NOVA1: variants seen among roughly 807,000 people sequenced by gnomAD.
NOVA1 encodes NOVA alternative splicing regulator 1.
A neutral mutation model predicts 38.0 loss-of-function variants in NOVA1; 7 were observed. The observed-to-expected ratio is 0.18, with a 90% CI of 0.10 to 0.35. The LOEUF (loss-of-function observed/expected upper bound fraction) is 0.35, where lower values mean the gene tolerates loss of function less well. Ranked by LOEUF, NOVA1 falls within the 10% of genes least tolerant of loss-of-function variation. The pLI is 1.00. For synonymous variants in NOVA1, 270 were observed against 232.5 expected (o/e 1.16, Z -1.47); for missense variants, 460 against 616.0 (o/e 0.75, Z 2.68).
At chr14:26,590,405 C>A (rs1555332160) in intron 2 of NOVA1, among the ~76,000 whole-genome samples, 1 of 151,894 alleles carries the variant, frequency 6.6e-6, no homozygotes, top group Non-Finnish European at 1.5e-5. Flanking sequence ...CTCCACTGAA[C>A]TGGACAAAAC....
In NOVA1 at chr14:26,481,404, G is replaced by A. The variant is rs181724301; in HGVS notation, c.281-1261C>T. On this transcript the variant is annotated intron_variant, in intron 2 of 4. Transcript: ENST00000539517. ...GAGTTTATACTGCTTTAAAGATTCTGACACACAGACCAATTTTCTAGTAGT... is the reference window on the plus strand; with the variant it reads ...GAGTTTATACTGCTTTAAAGATTCTAACACACAGACCAATTTTCTAGTAGT... Among the ~76,000 whole-genome samples, 203 of 152,104 alleles carry A rather than the reference G, an allele frequency of 1.3e-3. 1 individual carries two copies. Among genetic ancestry groups the A allele is most frequent in the African/African-American group, 4.5e-3 (189 of 41,546 alleles).
intron 2 of NOVA1, among the ~76,000 whole-genome samples, chr14:26,581,766 C>A (rs1315182405): frequency 1.3e-5 from 2 of 151,838 alleles, no homozygotes; most frequent in Non-Finnish European, 1.5e-5. Flanking sequence ...TTGAATACTC[C>A]ATTTCTGAAC....
At chr14:26,464,399 G>A (rs1233995928) in intron 4 of NOVA1, among the ~76,000 whole-genome samples, 1 of 152,188 alleles carries the variant, frequency 6.6e-6, no homozygotes, top group African/African-American at 2.4e-5. Context: ...AACAGGTTGT[G>A]TATTGTAATG....
chr14:26,481,988 T>TTAAAAAAAAAAAAAAAAAAA (rs922159329), intron 2 of NOVA1, among the ~76,000 whole-genome samples: 1 of 105,984 alleles, frequency 9.4e-6, no homozygotes, highest in Non-Finnish European at 1.8e-5. Context: ...TAGATAGAGA[T>TTAAAAAAAAAAAAAAAAAAA]AAAAAAAAAA....
chr14:26,597,609 T>G lies in NOVA1; in HGVS notation c.-173A>C, dbSNP rs1393212557. On this transcript the variant is annotated 5_prime_UTR_variant, in exon 1 of 5. Coordinates refer to ENST00000539517, the MANE Select transcript of NOVA1 (RefSeq NM_002515.3). ...TTAGGAAAAAAAGCAATGTTGCTGG[T>G]TTGTTCTCACTGGGGAGGGGGCAGG... 34 of 1,209,264 alleles carry G rather than the reference T, an allele frequency of 2.8e-5. No homozygotes were observed. The highest frequency in any genetic ancestry group is 3.4e-5 in the Non-Finnish European group (33 of 977,098). 74.9% of individuals were successfully genotyped at this position (1,209,264 alleles called of 1,614,324 possible). A position where few individuals can be genotyped will look rare whatever the true frequency, so the allele number is the denominator to read the frequency against.
intron 4 of NOVA1, among the ~76,000 whole-genome samples, chr14:26,451,008 A>G (rs188750971): frequency 6.6e-6 from 1 of 152,320 alleles, no homozygotes; most frequent in East Asian, 1.9e-4. Context: ...GTTATTTTAA[A>G]TTATAAGTAA....
intron 2 of NOVA1, among the ~76,000 whole-genome samples, chr14:26,489,492 A>C (rs987205494): frequency 2.0e-5 from 3 of 151,562 alleles, no homozygotes; most frequent in African/African-American, 7.3e-5. Flanking sequence ...CGTATATGTA[A>C]TCTATTATTT....
intron 2 of NOVA1, among the ~76,000 whole-genome samples, chr14:26,531,752 A>G (rs994772235): frequency 2.0e-5 from 3 of 152,230 alleles, no homozygotes; most frequent in Admixed American, 6.5e-5. Context: ...TCCTGGAAGG[A>G]CACAAACAAA....
chr14:26,506,325 G>A (rs1186500096), intron 2 of NOVA1, among the ~76,000 whole-genome samples: 1 of 152,150 alleles, frequency 6.6e-6, no homozygotes, highest in African/African-American at 2.4e-5. Context: ...TACCTTAGTG[G>A]TATTGCTTGG....
At chr14:26,529,228 C>A (rs1047739785) in intron 2 of NOVA1, among the ~76,000 whole-genome samples, 2 of 151,872 alleles carry the variant, frequency 1.3e-5, no homozygotes, top group Non-Finnish European at 1.5e-5. Flanking sequence ...ACTTCCACCT[C>A]CCAGATTCAA....
chr14:26,506,284 T>A (rs1468217214), intron 2 of NOVA1, among the ~76,000 whole-genome samples: 1 of 152,204 alleles, frequency 6.6e-6, no homozygotes, highest in East Asian at 1.9e-4. Context: ...TTAGGCTAGG[T>A]AATCTTCCAG....
chr14:26,512,447 C>A (rs1247184800), intron 2 of NOVA1, among the ~76,000 whole-genome samples: 1 of 152,126 alleles, frequency 6.6e-6, no homozygotes, highest in Non-Finnish European at 1.5e-5. Flanking sequence ...TTTGTGAATA[C>A]AGTTTTATTA....
At chr14:26,473,494 C>CA in intron 3 of NOVA1, among the ~76,000 whole-genome samples, 1 of 151,710 alleles carries the variant, frequency 6.6e-6, no homozygotes, top group Admixed American at 6.6e-5. Flanking sequence ...CAGATATGAG[C>CA]AAAAGCATAA....
chr14:26,535,773 C>T (rs767544104), intron 2 of NOVA1, among the ~76,000 whole-genome samples: 9 of 151,280 alleles, frequency 5.9e-5, no homozygotes, highest in Non-Finnish European at 8.8e-5. Flanking sequence ...CTGGTTAACG[C>T]GGTGAAAACC....
At chr14:26,554,456 C>T (rs780082139) in intron 2 of NOVA1, among the ~76,000 whole-genome samples, 21 of 152,062 alleles carry the variant, frequency 1.4e-4, no homozygotes, top group Non-Finnish European at 2.2e-4. Flanking sequence ...CTAGAAAAGT[C>T]CAAGTCATAT....
In NOVA1 at chr14:26,448,697, C is replaced by G. The variant is rs1416030369; in HGVS notation, c.786G>C (p.Val262=). The part of the protein sequence containing the change: ...NISYANVTGP[V]ANSNPTGSPY... ...GAGATCCGGTTGGATTGGAATTTGCCACTGGACCTGTCACATTGGCATAAC... is the reference window on the plus strand; with the variant it reads ...GAGATCCGGTTGGATTGGAATTTGCGACTGGACCTGTCACATTGGCATAAC... The change falls in exon 5 of 5, where the codon GTG becomes GTC. Residue 262 remains valine, a synonymous_variant. Transcript: ENST00000539517. This position sits in a 1 kb window ranked among gnomAD's most constrained non-coding sequence, Gnocchi z 5.3. 6.2e-7 allele frequency: 1 copy of G among 1,614,184 alleles called. No individual in the cohort carries two copies. The highest frequency in any genetic ancestry group is 2.2e-5 in the East Asian group (1 of 44,874).
Position 26,499,450 on chromosome 14 carries a change from C to G in NOVA1, c.281-19307G>C, listed in dbSNP as rs575069306. Among the ~76,000 whole-genome samples the G allele has an allele frequency of 5.3e-5, 8 of 152,164 alleles. No individual in the cohort carries two copies. The East Asian group carries it at 1.5e-3, about 29-fold the overall frequency. ...CTTCTGTGTCTAATACTTAATAATG[C>G]AGGGAGGTATCCATATTGAAAAGAA... On this transcript the variant is annotated intron_variant, in intron 2 of 4. Coordinates refer to ENST00000539517, the MANE Select transcript of NOVA1 (RefSeq NM_002515.3).
chr14:26,560,263 C>T (rs1396415401), intron 2 of NOVA1, among the ~76,000 whole-genome samples: 7 of 151,876 alleles, frequency 4.6e-5, no homozygotes, highest in South Asian at 2.1e-4. Context: ...GTTGATCTAC[C>T]ACAAAGTTGT....
chr14:26,523,953 G>C (rs1356594450), intron 2 of NOVA1, among the ~76,000 whole-genome samples: 1 of 151,844 alleles, frequency 6.6e-6, no homozygotes, highest in Admixed American at 6.6e-5. Context: ...GGGTTTCACC[G>C]TGTTAGCCGG....
Sources: gnomAD v4.1 joint callset for allele counts (sites outside exome capture counted in the v4.1 genomes callset) on GRCh38, gnomAD v4.1.1 for gene constraint, Gnocchi (gnomAD v3.1) non-coding constraint, MANE v1.5 for transcripts, NCBI Gene and HGNC (gene_info 2026-07-23, HGNC 2026-07-21) for gene names.